Variants in TENM3 observed in about 807,000 individuals in gnomAD.
The protein encoded by TENM3 is teneurin transmembrane protein 3.
In TENM3, 63 loss-of-function variants were observed where a neutral mutation model predicts 255.1. The observed-to-expected ratio is 0.25, with a 90% CI of 0.20 to 0.30. The LOEUF (loss-of-function observed/expected upper bound fraction) is 0.30, where lower values mean the gene tolerates loss of function less well. Ranked by LOEUF, TENM3 falls within the 10% of genes least tolerant of loss-of-function variation. The pLI is 1.00. For missense variants in TENM3, 2,929 were observed against 3,461.1 expected (o/e 0.85, Z 3.86); for synonymous variants, 1,306 against 1,322.3 (o/e 0.99, Z 0.27).
intron 3 of TENM3, among the ~76,000 whole-genome samples, chr4:182,473,375 T>C (rs1041736509): frequency 2.0e-5 from 3 of 152,176 alleles, no homozygotes; most frequent in Non-Finnish European, 2.9e-5. Context: ...AATAAAAAAT[T>C]ATTGTTTATA....
chr4:181,935,604 G>A, the TENM3 span, among the ~76,000 whole-genome samples: 1 of 152,154 alleles, frequency 6.6e-6, no homozygotes, highest in Non-Finnish European at 1.5e-5. Context: ...TCTCAAAGCT[G>A]CCAAGAGGTG....
At chr4:181,454,989 C>A in the TENM3 span, among the ~76,000 whole-genome samples, 6 of 152,154 alleles carry the variant, frequency 3.9e-5, no homozygotes, top group Non-Finnish European at 8.8e-5. Context: ...TGACTGTATG[C>A]CAGCCCCCAA....
the TENM3 span, among the ~76,000 whole-genome samples, chr4:181,926,197 A>T: frequency 6.6e-6 from 1 of 152,226 alleles, no homozygotes; most frequent in South Asian, 2.1e-4. Flanking sequence ...TTAGGCATTG[A>T]TCCAGAAAGC....
the TENM3 span, among the ~76,000 whole-genome samples, chr4:181,984,199 A>G: frequency 6.6e-6 from 1 of 151,954 alleles, no homozygotes; most frequent in African/African-American, 2.4e-5. Context: ...TTCCTTCTTG[A>G]CAGGCCTTGG....
chr4:182,660,418 A>G (rs1231903972), intron 6 of TENM3, among the ~76,000 whole-genome samples: 1 of 151,914 alleles, frequency 6.6e-6, no homozygotes, highest in Non-Finnish European at 1.5e-5. Flanking sequence ...TACCACTCTC[A>G]CCTCCTGTTT....
the TENM3 span, among the ~76,000 whole-genome samples, chr4:182,005,381 A>G: frequency 6.6e-6 from 1 of 151,938 alleles, no homozygotes; most frequent in Admixed American, 6.6e-5. Flanking sequence ...ATGGTTGTAG[A>G]TGTGTGGTGT....
chr4:182,560,601 T>A (rs1580938863), intron 3 of TENM3, among the ~76,000 whole-genome samples: 1 of 152,166 alleles, frequency 6.6e-6, no homozygotes, highest in Admixed American at 6.6e-5. Context: ...TGGTCATGCC[T>A]GCTCTGTTCT....
chr4:181,454,294 A>G, the TENM3 span, among the ~76,000 whole-genome samples: 1 of 152,188 alleles, frequency 6.6e-6, no homozygotes, highest in Non-Finnish European at 1.5e-5. Context: ...AAACTGGTTT[A>G]ATATACAGTC....
At chr4:181,583,932 C>A in the TENM3 span, among the ~76,000 whole-genome samples, 4 of 152,312 alleles carry the variant, frequency 2.6e-5, no homozygotes, top group South Asian at 8.3e-4. Context: ...AGATCAATTT[C>A]TCTTGTTACA....
rs372454706 is a variant in TENM3, at chr4:182,457,593, C to T, written c.511+110664C>T. Among the ~76,000 whole-genome samples the T allele has an allele frequency of 1.0e-3, 109 of 105,094 alleles. 1 individual carries two copies. In the South Asian group the frequency reaches 0.032, roughly 31 times the overall value. The allele number at this position is 105,094 out of a possible 152,430, so 68.9% of individuals were successfully genotyped here. A position where few individuals can be genotyped will look rare whatever the true frequency, so the allele number is the denominator to read the frequency against. On this transcript the variant is annotated intron_variant, in intron 3 of 27. Coordinates refer to ENST00000511685, the MANE Select transcript of TENM3 (RefSeq NM_001080477.4). ...TTTTTTTTGAGGATAGACCTTGTCT[C>T]GATACCTAGACTGGAGTGCATTGGC...
At chr4:182,257,835 C>T (rs981461710) in intron 1 of TENM3, among the ~76,000 whole-genome samples, 1 of 152,166 alleles carries the variant, frequency 6.6e-6, no homozygotes, top group Non-Finnish European at 1.5e-5. Context: ...ATTCAAACCT[C>T]TTCATCTGGT....
In TENM3 at chr4:182,677,205, G is replaced by A. The variant is rs778745440; in HGVS notation, c.1327-2461G>A. ...GAATCGCCCTCCTGAATTCATGTGC[G>A]AAACACTTCTGCAGATGAGCCTAGA... On this transcript the variant is annotated intron_variant, in intron 7 of 27. Transcript: ENST00000511685. Among the ~76,000 whole-genome samples the A allele has an allele frequency of 5.9e-5, 9 of 152,232 alleles. No individual in the cohort carries two copies. In the East Asian group the frequency reaches 1.2e-3, roughly 20 times the overall value.
intron 13 of TENM3, among the ~76,000 whole-genome samples, chr4:182,716,354 C>T (rs760115199): frequency 2.6e-5 from 4 of 152,140 alleles, no homozygotes; most frequent in Non-Finnish European, 5.9e-5. Flanking sequence ...TCCTTTTCCT[C>T]AAAATTTATC....
At chr4:181,628,651 T>A in the TENM3 span, among the ~76,000 whole-genome samples, 458 of 152,202 alleles carry the variant, frequency 3.0e-3, 2 homozygotes, top group Middle Eastern at 0.041. Flanking sequence ...TGTAGATGTG[T>A]GGTATTATTT....
At chr4:182,208,076 A>G (rs926434678) in intron 1 of TENM3, among the ~76,000 whole-genome samples, 2 of 152,222 alleles carry the variant, frequency 1.3e-5, no homozygotes, top group African/African-American at 4.8e-5. Flanking sequence ...TTTCTGTTGT[A>G]GATATTTTTT....
rs796738758 is a variant in TENM3, at chr4:182,391,737, A to G, written c.511+44808A>G. On this transcript the variant is annotated intron_variant, in intron 3 of 27. Transcript: ENST00000511685. ...GATAATAGATTAGGAGACTACCTGC[A>G]TGGAAGAAACAATTGGCACTGGCCT... is the stretch of plus-strand genomic sequence containing the variant. 2.0e-5 allele frequency among the ~76,000 whole-genome samples: 3 copies of G among 152,348 alleles called. No individual in the cohort carries two copies. In the South Asian group the frequency reaches 6.2e-4, roughly 32 times the overall value.
chr4:182,075,398 C>T, the TENM3 span, among the ~76,000 whole-genome samples: 2 of 151,994 alleles, frequency 1.3e-5, no homozygotes, highest in Non-Finnish European at 2.9e-5. Flanking sequence ...CGGGGTTTCA[C>T]CATGTTGGCC....
At chr4:182,724,490 A>AC (rs1760009301) in intron 13 of TENM3, among the ~76,000 whole-genome samples, 1 of 152,258 alleles carries the variant, frequency 6.6e-6, no homozygotes, top group Non-Finnish European at 1.5e-5. Context: ...GTGTCCCTGC[A>AC]CCTTGGCTGT....
chr4:181,719,578 G>C, the TENM3 span, among the ~76,000 whole-genome samples: 1 of 152,116 alleles, frequency 6.6e-6, no homozygotes, highest in Admixed American at 6.5e-5. Context: ...CTTTTAGAAG[G>C]GCACTAATCC....
Sources: gnomAD v4.1 joint callset for allele counts (sites outside exome capture counted in the v4.1 genomes callset) on GRCh38, gnomAD v4.1.1 for gene constraint, MANE v1.5 for transcripts, NCBI Gene and HGNC (gene_info 2026-07-23, HGNC 2026-07-21) for gene names.